CWC22: variants seen among roughly 807,000 people sequenced by gnomAD.
CWC22 encodes CWC22 spliceosome associated protein.
Under a neutral mutation model 117.2 loss-of-function variants are expected in CWC22, and 53 were observed. The ratio of observed to expected loss-of-function variants is 0.45; its 90% CI spans 0.36 to 0.57. CWC22 has a LOEUF of 0.57. Ranked by LOEUF, CWC22 falls within the 20% of genes least tolerant of loss-of-function variation. CWC22 has a pLI of 0.00. For synonymous variants in CWC22, 360 were observed against 355.6 expected (o/e 1.01, Z -0.14); for missense variants, 980 against 1,068.8 (o/e 0.92, Z 1.16).
chr2:179,962,324 T>C (rs903047795), intron 13 of CWC22, among the ~76,000 whole-genome samples: 18 of 152,146 alleles, frequency 1.2e-4, no homozygotes, highest in African/African-American at 4.1e-4. Flanking sequence ...AAGTGGACTG[T>C]TTAAGATGCC....
intron 1 of CWC22, among the ~76,000 whole-genome samples, chr2:179,994,882 C>A (rs950192521): frequency 6.6e-6 from 1 of 152,080 alleles, no homozygotes; most frequent in Non-Finnish European, 1.5e-5. Context: ...TTTGGGAGGC[C>A]GAGGTGGGTG....
intron 19 of CWC22, among the ~76,000 whole-genome samples, chr2:179,948,552 G>A (rs918159400): frequency 6.6e-6 from 1 of 152,128 alleles, no homozygotes; most frequent in African/African-American, 2.4e-5. Context: ...TTACTCAAGT[G>A]ATCAAGGTTG....
intron 14 of CWC22, among the ~76,000 whole-genome samples, chr2:179,957,421 T>C (rs975942182): frequency 6.6e-6 from 1 of 152,218 alleles, no homozygotes; most frequent in Non-Finnish European, 1.5e-5. Context: ...ATAAATATTT[T>C]AGGCTTTAGA....
rs1480678163 is a variant in CWC22, at chr2:179,986,812, T to C, written c.96-7A>G. ...TCGTTCTTGTTCTTCATATCTAACA[T>C]AAAATAAGAAAACCAAGTTGCAAAT... On this transcript the variant is annotated splice_region_variant and splice_polypyrimidine_tract_variant and intron_variant, in intron 3 of 19. Transcript: ENST00000410053. 4.6e-6 allele frequency: 7 copies of C among 1,505,778 alleles called. No homozygotes were observed. The highest frequency in any genetic ancestry group is 1.7e-4 in the Middle Eastern group (1 of 5,810). 93.3% of individuals were successfully genotyped at this position (1,505,778 alleles called of 1,614,324 possible).
At chr2:180,003,852 A>C (rs894281771) in intron 1 of CWC22, among the ~76,000 whole-genome samples, 1 of 152,230 alleles carries the variant, frequency 6.6e-6, no homozygotes, top group East Asian at 1.9e-4. Flanking sequence ...CGTTTTTGGT[A>C]TCTGTTCACT....
At chr2:179,986,857 A>C (rs1413253360) in intron 3 of CWC22, 52 bp from the exon 4 acceptor site, 1 of 985,378 alleles carries the variant, frequency 1.0e-6, no homozygotes, top group African/African-American at 1.7e-5. Flanking sequence ...CTATGTTATA[A>C]ATATTTAGGA....
At chr2:179,995,391 G>A (rs1398166550) in intron 1 of CWC22, among the ~76,000 whole-genome samples, 1 of 152,144 alleles carries the variant, frequency 6.6e-6, no homozygotes, top group Non-Finnish European at 1.5e-5. Context: ...CTGATATCAT[G>A]CAAGAGTTAC....
intron 17 of CWC22, 112 bp from the exon 18 acceptor site, chr2:179,951,038 C>G: frequency 1.5e-6 from 1 of 660,298 alleles, no homozygotes; most frequent in South Asian, 1.9e-5. Flanking sequence ...TGAAATACAA[C>G]CAAGTAACTA....
chr2:179,988,974 G>A (rs1210808541), intron 2 of CWC22, among the ~76,000 whole-genome samples: 1 of 150,338 alleles, frequency 6.7e-6, no homozygotes, highest in Non-Finnish European at 1.5e-5. Context: ...TGGTTACATG[G>A]ATAAGTTCTT....
rs1427111776 is a variant in CWC22, at chr2:179,978,484, C to G, written c.453-166G>C. On this transcript the variant is annotated intron_variant, in intron 5 of 19. Coordinates refer to ENST00000410053, the MANE Select transcript of CWC22 (RefSeq NM_020943.3). ...GCCTATCAGGATAAATAGATTATATCCTGAACCATATTTGATTTTCTATAC... is the reference window on the plus strand; with the variant it reads ...GCCTATCAGGATAAATAGATTATATGCTGAACCATATTTGATTTTCTATAC... 8.0e-5 allele frequency among the ~76,000 whole-genome samples: 9 copies of G among 112,230 alleles called. No homozygotes were observed. The Admixed American group carries it at 1.1e-3, about 14-fold the overall frequency. The allele number at this position is 112,230 out of a possible 152,430, so 73.6% of individuals were successfully genotyped here.
chr2:179,989,374 C>A (rs1021450874), intron 2 of CWC22, among the ~76,000 whole-genome samples: 7 of 152,022 alleles, frequency 4.6e-5, no homozygotes, highest in Non-Finnish European at 1.0e-4. Flanking sequence ...CTTCTCGCCT[C>A]AGCCACAATA....
At chr2:179,974,351 T>C (rs1327651617) in intron 6 of CWC22, among the ~76,000 whole-genome samples, 2 of 152,194 alleles carry the variant, frequency 1.3e-5, no homozygotes, top group Non-Finnish European at 2.9e-5. Context: ...GCCAGATTAA[T>C]GCTAAAACAG....
chr2:180,003,140 C>T (rs1318551754), intron 1 of CWC22, among the ~76,000 whole-genome samples: 1 of 152,190 alleles, frequency 6.6e-6, no homozygotes, highest in East Asian at 1.9e-4. Flanking sequence ...CTATTAACTC[C>T]TACTTCTTGG....
chr2:179,946,807 G>C (rs547255617), intron 19 of CWC22, among the ~76,000 whole-genome samples: 4 of 152,160 alleles, frequency 2.6e-5, no homozygotes, highest in African/African-American at 9.6e-5. Context: ...GTCTCTTCCT[G>C]CAAAAACAAT....
intron 4 of CWC22, among the ~76,000 whole-genome samples, chr2:179,984,389 C>A (rs1687361552): frequency 6.6e-6 from 1 of 151,996 alleles, no homozygotes; most frequent in African/African-American, 2.4e-5. Flanking sequence ...ATTAAGGTGA[C>A]AGCAGACAAG....
chr2:179,989,225 C>T (rs967484358), intron 2 of CWC22, among the ~76,000 whole-genome samples: 3 of 139,008 alleles, frequency 2.2e-5, no homozygotes, highest in Non-Finnish European at 4.6e-5. Flanking sequence ...TTATATTTTA[C>T]TTCTATGTAA....
chr2:179,986,645 G>T (rs1687425357), intron 4 of CWC22, 50 bp downstream of exon 4: 2 of 1,033,508 alleles, frequency 1.9e-6, no homozygotes, highest in Non-Finnish European at 2.9e-6. Context: ...AGCATAAAGA[G>T]AGTTTAAACA....
chr2:179,978,190 C>A lies in CWC22; in HGVS notation c.581G>T (p.Arg194Ile). The change falls in exon 6 of 20, where the codon AGA becomes ATA. Residue 194 changes from arginine to isoleucine, a missense_variant and splice_region_variant. Transcript: ENST00000410053. ...ELLQENIVRG[R>I]GLLSRSVLQA... is the part of the protein sequence containing the mutation. ...TACAAATAAAATAGCCAATACTTAC[C>A]TTCCTCTAACTATATTTTCTTGAAG... 6.6e-7 allele frequency: 1 copy of A among 1,520,120 alleles called. No homozygotes were observed. The highest frequency in any genetic ancestry group is 8.8e-7 in the Non-Finnish European group (1 of 1,140,454). 94.2% of individuals were successfully genotyped at this position (1,520,120 alleles called of 1,614,324 possible).
intron 14 of CWC22, among the ~76,000 whole-genome samples, chr2:179,958,727 C>T (rs1024770785): frequency 1.3e-5 from 2 of 152,110 alleles, no homozygotes; most frequent in Non-Finnish European, 2.9e-5. Context: ...CTACTATATT[C>T]AAGTCAAAAT....
Sources: gnomAD v4.1 joint callset for allele counts (sites outside exome capture counted in the v4.1 genomes callset) on GRCh38, gnomAD v4.1.1 for gene constraint, MANE v1.5 for transcripts, NCBI Gene and HGNC (gene_info 2026-07-23, HGNC 2026-07-21) for gene names.